GASK1A: variants seen among roughly 807,000 people sequenced by gnomAD.
GASK1A encodes Golgi-associated kinase 1A.
A neutral mutation model predicts 41.2 loss-of-function variants in GASK1A; 40 were observed. The observed-to-expected ratio is 0.97, with a 90% CI of 0.75 to 1.27. The LOEUF (loss-of-function observed/expected upper bound fraction) is 1.27. Among genes scored for constraint, GASK1A ranks in the 50% most tolerant of loss-of-function variants. The pLI is 0.00. For synonymous variants in GASK1A, 316 were observed against 307.1 expected, an observed-to-expected ratio of 1.03 and a Z score of -0.30; for missense variants, 678 against 745.1, an observed-to-expected ratio of 0.91 and a Z score of 1.05.
intron 2 of GASK1A, among the ~76,000 whole-genome samples, chr3:43,047,719 G>C (rs996983698): frequency 2.0e-5 from 3 of 152,118 alleles, no homozygotes; most frequent in African/African-American, 7.2e-5. Flanking sequence ...GCAACTACCT[G>C]CAGGCATCCT....
intron 1 of GASK1A, among the ~76,000 whole-genome samples, chr3:43,007,180 T>C (rs2125678563): frequency 6.6e-6 from 1 of 152,284 alleles, no homozygotes; most frequent in South Asian, 2.1e-4. Context: ...AAAATACAAG[T>C]GTGTGGGGCA....
Position 43,055,550 on chromosome 3 carries a change from GGT to G in GASK1A, c.1517+16_1517+17del. On this transcript the variant is annotated intron_variant, in intron 4 of 4. Transcript: ENST00000430121. Reference sequence around the variant, plus strand: ...GGCATAGATGGGTGAGGGTCAAAAGGGTTGGGTGGAAGTTCATGGGACTGAGA... The same window carrying G: ...GGCATAGATGGGTGAGGGTCAAAAGGTGGGTGGAAGTTCATGGGACTGAGA... 1 of 1,541,052 alleles carries G rather than the reference GGT, an allele frequency of 6.5e-7. No homozygotes were observed. Among genetic ancestry groups the G allele is most frequent in the Non-Finnish European group, 8.8e-7 (1 of 1,137,236 alleles).
chr3:43,009,709 A>G (rs770513931), intron 1 of GASK1A, among the ~76,000 whole-genome samples: 42 of 152,218 alleles, frequency 2.8e-4, no homozygotes, highest in Non-Finnish European at 5.4e-4. Context: ...AAAACATGTA[A>G]CAAACTCATG....
At chr3:43,047,223 A>T (rs1174769245) in intron 2 of GASK1A, among the ~76,000 whole-genome samples, 1 of 152,200 alleles carries the variant, frequency 6.6e-6, no homozygotes, top group Non-Finnish European at 1.5e-5. Flanking sequence ...AGCCGGTGAG[A>T]GCAGTCAGGA....
intron 1 of GASK1A, among the ~76,000 whole-genome samples, chr3:43,027,508 A>AATTT (rs1483672673): frequency 1.3e-5 from 2 of 152,226 alleles, no homozygotes; most frequent in African/African-American, 4.8e-5. Flanking sequence ...TTAATTGTAC[A>AATTT]AAGATAAACA....
At chr3:43,045,608 T>G (rs748204734) in intron 2 of GASK1A, among the ~76,000 whole-genome samples, 10 of 152,204 alleles carry the variant, frequency 6.6e-5, no homozygotes, top group Non-Finnish European at 1.3e-4. Context: ...ACCACTGTGT[T>G]GGTAGCCTCT....
intron 2 of GASK1A, among the ~76,000 whole-genome samples, chr3:43,041,102 ATT>A (rs952881665): frequency 1.1e-4 from 17 of 149,690 alleles, no homozygotes; most frequent in Admixed American, 2.7e-4. Flanking sequence ...TATATGCCAC[ATT>A]TTCTTAATCC....
chr3:43,019,408 C>T (rs1021550367), intron 1 of GASK1A, among the ~76,000 whole-genome samples: 8 of 152,108 alleles, frequency 5.3e-5, no homozygotes, highest in African/African-American at 7.2e-5. Context: ...CCCTAGAGGC[C>T]GGTTCAGCTC....
At chr3:42,994,803 A>G (rs2089361413) in intron 1 of GASK1A, among the ~76,000 whole-genome samples, 2 of 152,008 alleles carry the variant, frequency 1.3e-5, no homozygotes, top group Admixed American at 1.3e-4. Flanking sequence ...CATCCACCAC[A>G]GTGTAGATGT....
At chr3:43,047,698 A>G (rs1408661391) in intron 2 of GASK1A, among the ~76,000 whole-genome samples, 1 of 152,158 alleles carries the variant, frequency 6.6e-6, no homozygotes, top group African/African-American at 2.4e-5. Context: ...ACAAGGAAAC[A>G]TATTCCCACA....
intron 1 of GASK1A, among the ~76,000 whole-genome samples, chr3:43,009,425 C>A (rs1380998955): frequency 6.6e-6 from 1 of 152,156 alleles, no homozygotes; most frequent in Non-Finnish European, 1.5e-5. Context: ...TCTGGATAAA[C>A]CCCTGATGGC....
chr3:42,991,964 TAC>T (rs1197891942), intron 1 of GASK1A, among the ~76,000 whole-genome samples: 1 of 152,184 alleles, frequency 6.6e-6, no homozygotes, highest in East Asian at 1.9e-4. Context: ...AGTTGGCTTT[TAC>T]AGTTACTTAC....
chr3:43,040,882 C>CCCCA (rs71288034), intron 2 of GASK1A, among the ~76,000 whole-genome samples: 1 of 129,688 alleles, frequency 7.7e-6, no homozygotes, highest in Non-Finnish European at 1.7e-5. Context: ...TCCCTCCCCC[C>CCCCA]CGCCACAACA....
rs187455045 is a variant in GASK1A at position 43,032,425 on chromosome 3, C to A, written c.162C>A (p.Gly54=). Residue 54 remains glycine, a synonymous_variant, in exon 2 of 5, where the codon GGC becomes GGA. Transcript: ENST00000430121. Reference sequence around the variant, plus strand: ...CCATGGAGCCTCAGGGGGTAACTGGCGCCCCTGCAACCCATATCCGGCAGG... The same window carrying A: ...CCATGGAGCCTCAGGGGGTAACTGGAGCCCCTGCAACCCATATCCGGCAGG... ...PGPMEPQGVT[G]APATHIRQAL... is the part of the protein sequence containing the mutation. 1.9e-6 allele frequency: 3 copies of A among 1,550,950 alleles called. No homozygotes were observed. In the Admixed American group the frequency reaches 5.9e-5, roughly 30 times the overall value.
rs1200290331 is a variant in GASK1A at position 43,033,023 on chromosome 3, G to C, written c.760G>C (p.Gly254Arg). 6.4e-7 allele frequency: 1 copy of C among 1,551,652 alleles called. No homozygotes were observed. The highest frequency in any genetic ancestry group is 8.7e-7 in the Non-Finnish European group (1 of 1,147,028). ...AETLLSSSRT[G>R]GQAPPWLTDH... ...GACGCTGTTGAGCAGCTCGAGGACTGGTGGGCAGGCTCCCCCATGGCTGAC... is the reference window on the plus strand; with the variant it reads ...GACGCTGTTGAGCAGCTCGAGGACTCGTGGGCAGGCTCCCCCATGGCTGAC... The change falls in exon 2 of 5, where the codon GGT (glycine) becomes CGT (arginine). Residue 254 changes from glycine to arginine, a missense_variant. Physicochemically the swap from Gly to Arg is moderately radical, Grantham distance 125. Transcript: ENST00000430121.
intron 1 of GASK1A, among the ~76,000 whole-genome samples, chr3:43,018,163 A>G (rs977985678): frequency 6.6e-6 from 1 of 152,184 alleles, no homozygotes; most frequent in Admixed American, 6.5e-5. Flanking sequence ...CTATACTCAC[A>G]TCTTTATCCC....
At chr3:43,018,242 A>G (rs2089504553) in intron 1 of GASK1A, among the ~76,000 whole-genome samples, 1 of 152,176 alleles carries the variant, frequency 6.6e-6, no homozygotes. Context: ...GAAAATTTAA[A>G]TCTTGCCTGC....
intron 1 of GASK1A, among the ~76,000 whole-genome samples, chr3:43,030,882 A>G (rs897965177): frequency 2.6e-5 from 4 of 152,208 alleles, no homozygotes; most frequent in Non-Finnish European, 5.9e-5. Flanking sequence ...CTGAGGATGG[A>G]CTTCACCTAC....
chr3:43,053,429 T>A, intron 2 of GASK1A, 92 bp from the exon 3 acceptor site: 1 of 1,396,606 alleles, frequency 7.2e-7, no homozygotes, highest in Non-Finnish European at 9.5e-7. Flanking sequence ...CCCAGGGTCA[T>A]GTAGGAAACA....
Sources: gnomAD v4.1 joint callset for allele counts (sites outside exome capture counted in the v4.1 genomes callset) on GRCh38, gnomAD v4.1.1 for gene constraint, MANE v1.5 for transcripts, NCBI Gene and HGNC (gene_info 2026-07-23, HGNC 2026-07-21) for gene names.